Variants in PPP2R2B observed in about 807,000 individuals in gnomAD.
PPP2R2B encodes serine/threonine-protein phosphatase 2A 55 kDa regulatory subunit B beta isoform.
Under a neutral mutation model 46.0 loss-of-function variants are expected in PPP2R2B, and 5 were observed. The ratio of observed to expected loss-of-function variants is 0.11; its 90% CI spans 0.06 to 0.23. PPP2R2B has a LOEUF of 0.23. Ranked by LOEUF, PPP2R2B falls within the 10% of genes least tolerant of loss-of-function variation. The probability of loss-of-function intolerance (pLI) is 1.00; values close to 1 mark genes in which losing one functional copy is unlikely to be tolerated. For synonymous variants in PPP2R2B, 215 were observed against 206.7 expected (o/e 1.04, Z -0.34); for missense variants, 367 against 575.0 (o/e 0.64, Z 3.70).
At chr5:146,822,125 T>C (rs1401480459) in intron 2 of PPP2R2B, among the ~76,000 whole-genome samples, 4 of 152,220 alleles carry the variant, frequency 2.6e-5, no homozygotes. Flanking sequence ...TTCCTAAATA[T>C]GCTTATTTTA....
intron 1 of PPP2R2B, among the ~76,000 whole-genome samples, chr5:147,034,459 C>A (rs1007022077): frequency 9.9e-5 from 15 of 152,110 alleles, no homozygotes; most frequent in African/African-American, 3.4e-4. Flanking sequence ...TATTACTTAT[C>A]TGTGGAATAT....
intron 5 of PPP2R2B, among the ~76,000 whole-genome samples, chr5:146,688,669 G>C (rs959248409): frequency 6.6e-6 from 1 of 152,006 alleles, no homozygotes; most frequent in East Asian, 1.9e-4. Context: ...GCTTGGCATG[G>C]GGAGGATCTC....
chr5:146,708,845 C>T (rs748629642), intron 2 of PPP2R2B, among the ~76,000 whole-genome samples: 2 of 152,176 alleles, frequency 1.3e-5, no homozygotes, highest in African/African-American at 2.4e-5. Flanking sequence ...ATCCAAGCTA[C>T]GTTATCCATG....
chr5:146,686,535 T>C (rs553152937), intron 5 of PPP2R2B, among the ~76,000 whole-genome samples: 1 of 152,312 alleles, frequency 6.6e-6, no homozygotes, highest in Admixed American at 6.5e-5. Context: ...ACCTGGCACA[T>C]AGTAAGCACT....
At chr5:146,929,014 A>G (rs1038937834) in intron 1 of PPP2R2B, among the ~76,000 whole-genome samples, 3 of 152,058 alleles carry the variant, frequency 2.0e-5, no homozygotes, top group Admixed American at 1.3e-4. Flanking sequence ...CTTTCTTCAA[A>G]TATCCAAGTG....
intron 5 of PPP2R2B, among the ~76,000 whole-genome samples, chr5:146,660,005 T>C (rs1417929606): frequency 6.6e-6 from 1 of 152,208 alleles, no homozygotes; most frequent in Non-Finnish European, 1.5e-5. Context: ...AGGGGAATGA[T>C]TGGTCATTGG....
intron 2 of PPP2R2B, among the ~76,000 whole-genome samples, chr5:146,800,669 A>C (rs1396171053): frequency 6.6e-6 from 1 of 151,938 alleles, no homozygotes. Context: ...AAAAAGTCAT[A>C]AGCCCATCTA....
chr5:147,051,627 C>T (rs373916534), intron 1 of PPP2R2B, among the ~76,000 whole-genome samples: 5 of 152,022 alleles, frequency 3.3e-5, no homozygotes, highest in African/African-American at 7.2e-5. Flanking sequence ...GAAAAGAAAG[C>T]GTCCCTACTG....
intron 2 of PPP2R2B, chr5:146,707,302 G>A (rs1779923580): frequency 7.3e-7 from 1 of 1,368,024 alleles, no homozygotes; most frequent in South Asian, 1.2e-5. Context: ...GTCGACGAAG[G>A]AGGCAAACTT....
chr5:146,986,629 G>A (rs927591344), intron 1 of PPP2R2B, among the ~76,000 whole-genome samples: 3 of 152,194 alleles, frequency 2.0e-5, no homozygotes, highest in Middle Eastern at 3.2e-3. Flanking sequence ...GAAAAGTACA[G>A]TAGAGGGTCT....
Position 146,955,354 on chromosome 5 carries a change from G to A in PPP2R2B, c.79+100311C>T, listed in dbSNP as rs186817188. Among the ~76,000 whole-genome samples, 22 of 152,200 alleles carry A rather than the reference G, an allele frequency of 1.4e-4. 2 individuals carry two copies. Among genetic ancestry groups the A allele is most frequent in the Admixed American group, 1.0e-3 (16 of 15,276 alleles). On this transcript the variant is annotated intron_variant, in intron 1 of 8. Coordinates refer to the PPP2R2B transcript ENST00000336640. ...GGTCTGGGTGTGGGCCTGAGAATCT[G>A]GATTTCTAACAAGTTCCAGGTAATG...
chr5:146,727,999 T>G (rs1751981004), intron 2 of PPP2R2B, among the ~76,000 whole-genome samples: 1 of 152,154 alleles, frequency 6.6e-6, no homozygotes, highest in South Asian at 2.1e-4. Context: ...GAGTTTAAAA[T>G]TTTACTTTTG....
At chr5:146,903,806 G>C (rs999862028) in intron 1 of PPP2R2B, among the ~76,000 whole-genome samples, 5 of 152,124 alleles carry the variant, frequency 3.3e-5, no homozygotes, top group African/African-American at 1.2e-4. Flanking sequence ...GAAAGTTAAA[G>C]TTGTATCAGA....
At chr5:146,619,728 C>T (rs760932022) in intron 7 of PPP2R2B, among the ~76,000 whole-genome samples, 6 of 152,160 alleles carry the variant, frequency 3.9e-5, no homozygotes, top group African/African-American at 4.8e-5. Flanking sequence ...GTCTGTGGTG[C>T]ACTGGCATGT....
intron 6 of PPP2R2B, 34 bp from the exon 7 acceptor site, chr5:146,638,449 A>G (rs773224258): frequency 3.9e-6 from 6 of 1,546,720 alleles, no homozygotes; most frequent in South Asian, 3.6e-5. Context: ...GAACCAGGAG[A>G]AGGAGGCAGG....
chr5:146,715,271 A>G (rs909341358), intron 2 of PPP2R2B, among the ~76,000 whole-genome samples: 10 of 152,198 alleles, frequency 6.6e-5, no homozygotes, highest in African/African-American at 2.4e-4. Flanking sequence ...TTAGCTGCAC[A>G]TTCCTTTCCT....
At chr5:146,946,610 A>AT (rs1764490981) in intron 1 of PPP2R2B, among the ~76,000 whole-genome samples, 1 of 152,126 alleles carries the variant, frequency 6.6e-6, no homozygotes, top group South Asian at 2.1e-4. Flanking sequence ...AAAGATTACA[A>AT]TTTGTCACTG....
intron 2 of PPP2R2B, among the ~76,000 whole-genome samples, chr5:146,870,516 C>A (rs545041842): frequency 1.3e-5 from 2 of 152,152 alleles, no homozygotes; most frequent in Non-Finnish European, 2.9e-5. Flanking sequence ...GCACCTTGAT[C>A]GTGGACTTCC....
chr5:147,047,173 A>G (rs538311813), intron 1 of PPP2R2B, among the ~76,000 whole-genome samples: 102 of 152,140 alleles, frequency 6.7e-4, no homozygotes, highest in Middle Eastern at 3.4e-3. Flanking sequence ...AGGGATAGGG[A>G]GAGATTTGTT....
Sources: allele counts gnomAD v4.1 joint callset (sites outside exome capture counted in the v4.1 genomes callset), GRCh38; gene constraint gnomAD v4.1.1; transcripts MANE v1.5; gene names NCBI Gene and HGNC (gene_info 2026-07-23, HGNC 2026-07-21).